Variants in ABHD17B observed in about 807,000 individuals in gnomAD.
ABHD17B encodes the protein alpha/beta hydrolase domain-containing protein 17B.
Under a neutral mutation model 26.2 loss-of-function variants are expected in ABHD17B, and 9 were observed. That is an observed-to-expected ratio of 0.34 (90% confidence interval 0.21 to 0.60). The LOEUF (loss-of-function observed/expected upper bound fraction) is 0.60. Among genes scored for constraint, ABHD17B ranks in the 20% least tolerant of loss-of-function variants. The probability of loss-of-function intolerance (pLI) is 0.80; values close to 1 mark genes in which losing one functional copy is unlikely to be tolerated. For synonymous variants in ABHD17B, 127 were observed against 122.3 expected (o/e 1.04, Z -0.25); for missense variants, 224 against 352.1 (o/e 0.64, Z 2.91).
chr9:71,911,083 C>T lies in ABHD17B; in HGVS notation c.-453G>A, dbSNP rs1004327440. Among the ~76,000 whole-genome samples, 3 of 152,204 alleles carry T rather than the reference C, an allele frequency of 2.0e-5. No homozygotes were observed. Among genetic ancestry groups the T allele is most frequent in the Non-Finnish European group, 4.4e-5 (3 of 68,036 alleles). ...CTTCTCTTTAATCCTGCTTTCTTTG[C>T]TCCTCCTCAGCCTGCCAAGCGCGAG... On this transcript the variant is annotated 5_prime_UTR_variant, in exon 1 of 4. Coordinates refer to ENST00000333421, the MANE Select transcript of ABHD17B (RefSeq NM_001025780.3).
intron 1 of ABHD17B, among the ~76,000 whole-genome samples, chr9:71,910,204 G>GA (rs1425208733): frequency 3.3e-5 from 5 of 152,092 alleles, no homozygotes; most frequent in African/African-American, 4.8e-5. Context: ...AGGCACCCGC[G>GA]AATCTCTCAG....
chr9:71,876,348 C>G (rs1245415469), intron 1 of ABHD17B, among the ~76,000 whole-genome samples: 1 of 152,078 alleles, frequency 6.6e-6, no homozygotes, highest in Non-Finnish European at 1.5e-5. Flanking sequence ...CACTGAAGGA[C>G]CTGGTTGTGA....
intron 1 of ABHD17B, among the ~76,000 whole-genome samples, chr9:71,898,690 T>A (rs1167528393): frequency 6.6e-6 from 1 of 151,120 alleles, no homozygotes; most frequent in Non-Finnish European, 1.5e-5. Context: ...GGTTTAGACA[T>A]GTGAGAAATT....
intron 1 of ABHD17B, among the ~76,000 whole-genome samples, chr9:71,891,510 T>C (rs999296834): frequency 6.6e-6 from 1 of 152,244 alleles, no homozygotes; most frequent in Non-Finnish European, 1.5e-5. Flanking sequence ...TTTCAGGTAA[T>C]GCTTGTTCAT....
intron 1 of ABHD17B, among the ~76,000 whole-genome samples, chr9:71,880,853 G>A (rs1163866288): frequency 5.3e-5 from 8 of 151,676 alleles, no homozygotes; most frequent in African/African-American, 1.9e-4. Flanking sequence ...AAATTTCAAG[G>A]TAATTCCCAT....
At chr9:71,890,238 C>G (rs1247580279) in intron 1 of ABHD17B, among the ~76,000 whole-genome samples, 1 of 152,020 alleles carries the variant, frequency 6.6e-6, no homozygotes, top group East Asian at 1.9e-4. Context: ...TGCAGTGAGC[C>G]AAGTTTGTGC....
chr9:71,904,082 C>A (rs1827216962), intron 1 of ABHD17B, among the ~76,000 whole-genome samples: 1 of 152,222 alleles, frequency 6.6e-6, no homozygotes, highest in South Asian at 2.1e-4. Context: ...GACTGCACAT[C>A]TCTGCCCATT....
chr9:71,889,154 A>T (rs963890164), intron 1 of ABHD17B, among the ~76,000 whole-genome samples: 2 of 151,880 alleles, frequency 1.3e-5, no homozygotes, highest in Non-Finnish European at 2.9e-5. Flanking sequence ...ATCTCTACCA[A>T]AAATACAAAA....
intron 1 of ABHD17B, chr9:71,902,432 A>T (rs1215245651): frequency 2.6e-5 from 1 of 38,644 alleles, no homozygotes; most frequent in Non-Finnish European, 5.3e-5. Flanking sequence ...CCCCACCCCC[A>T]CCCTTTTAGT....
At position 71,875,090 on chromosome 9, in the gene ABHD17B, A is replaced by T. The variant is rs1166300512; in HGVS notation, c.-3-7T>A. The T allele has an allele frequency of 6.3e-6, 10 of 1,592,138 alleles. No homozygotes were observed. The highest frequency in any genetic ancestry group is 3.3e-4 in the Middle Eastern group (2 of 6,024). On this transcript the variant is annotated splice_region_variant and splice_polypyrimidine_tract_variant and intron_variant, in intron 1 of 3. Coordinates refer to ENST00000333421, the MANE Select transcript of ABHD17B (RefSeq NM_001025780.3). ...ATGAAAGATTATTCATGCTCTGAAA[A>T]AGAAAAGGAGATAGCAAATATTTTA...
At position 71,866,170 on chromosome 9, in the gene ABHD17B, AATAG is replaced by A; in HGVS notation, c.*613_*616del. 1 of 983,802 alleles carries A rather than the reference AATAG, an allele frequency of 1.0e-6. No homozygotes were observed. Among genetic ancestry groups the A allele is most frequent in the Non-Finnish European group, 1.2e-6 (1 of 828,042 alleles). 60.9% of individuals were successfully genotyped at this position (983,802 alleles called of 1,614,324 possible). A position where few individuals can be genotyped will look rare whatever the true frequency, so the allele number is the denominator to read the frequency against. ...TTACAAGGTAACTCATTGGTAAATT[AATAG>A]ATGGCATAAAAATTAAGATTTACAT... On this transcript the variant is annotated 3_prime_UTR_variant, in exon 4 of 4. Transcript: ENST00000333421.
intron 1 of ABHD17B, among the ~76,000 whole-genome samples, chr9:71,895,205 A>G (rs1433335970): frequency 2.6e-5 from 4 of 152,224 alleles, no homozygotes; most frequent in Non-Finnish European, 5.9e-5. Context: ...TATGAGATAG[A>G]TATTATTTTT....
At chr9:71,889,017 T>TAA (rs113790537) in intron 1 of ABHD17B, among the ~76,000 whole-genome samples, 2 of 141,896 alleles carry the variant, frequency 1.4e-5, no homozygotes, top group Non-Finnish European at 3.1e-5. Flanking sequence ...AGACAAAGTT[T>TAA]AAAAAAAAAA....
chr9:71,877,293 T>C (rs1415890354), intron 1 of ABHD17B, among the ~76,000 whole-genome samples: 1 of 152,264 alleles, frequency 6.6e-6, no homozygotes, highest in East Asian at 1.9e-4. Flanking sequence ...TCTATGGTTA[T>C]TTGTCAACCC....
intron 1 of ABHD17B, among the ~76,000 whole-genome samples, chr9:71,878,808 C>T (rs1004990892): frequency 1.2e-4 from 18 of 151,998 alleles, no homozygotes; most frequent in African/African-American, 4.3e-4. Context: ...ACTCGTAAGA[C>T]TTAACCAAAT....
At chr9:71,899,245 T>C (rs903781790) in intron 1 of ABHD17B, among the ~76,000 whole-genome samples, 2 of 152,150 alleles carry the variant, frequency 1.3e-5, no homozygotes, top group African/African-American at 2.4e-5. Flanking sequence ...GACAGAACAA[T>C]GTTTCCAAAG....
intron 3 of ABHD17B, among the ~76,000 whole-genome samples, chr9:71,867,417 T>C (rs565965351): frequency 6.6e-6 from 1 of 152,302 alleles, no homozygotes; most frequent in South Asian, 2.1e-4. Flanking sequence ...GACAGCAAAA[T>C]GTTTTATGTT....
At chr9:71,882,136 T>C (rs889768529) in intron 1 of ABHD17B, among the ~76,000 whole-genome samples, 3 of 152,130 alleles carry the variant, frequency 2.0e-5, no homozygotes, top group East Asian at 1.9e-4. Context: ...GGTGGAGAAA[T>C]TGGAACCCTC....
chr9:71,897,435 T>A (rs1826990982), intron 1 of ABHD17B, among the ~76,000 whole-genome samples: 1 of 152,150 alleles, frequency 6.6e-6, no homozygotes, highest in African/African-American at 2.4e-5. Flanking sequence ...GAGGAGTACC[T>A]GAGCCCAGGA....
Sources: allele counts gnomAD v4.1 joint callset (sites outside exome capture counted in the v4.1 genomes callset), GRCh38; gene constraint gnomAD v4.1.1; transcripts MANE v1.5; gene names NCBI Gene and HGNC (gene_info 2026-07-23, HGNC 2026-07-21).